The following ARHGAP15 variants were observed in gnomAD, a reference collection of about 807,000 sequenced individuals.
ARHGAP15 encodes the protein Rho GTPase activating protein 15, also known as rho GTPase-activating protein 15.
ARHGAP15 carries 51 observed loss-of-function variants against 63.7 expected under a neutral mutation model. The observed-to-expected ratio is 0.80, with a 90% CI of 0.64 to 1.01. The LOEUF is 1.01. Ranked by LOEUF, ARHGAP15 falls within the 50% of genes least tolerant of loss-of-function variation. ARHGAP15 has a pLI of 0.00. For missense variants in ARHGAP15, 560 were observed against 564.6 expected (o/e 0.99, Z 0.08); for synonymous variants, 191 against 193.8 (o/e 0.99, Z 0.12).
At chr2:143,611,251 C>T (rs1235003418) in intron 11 of ARHGAP15, among the ~76,000 whole-genome samples, 1 of 152,122 alleles carries the variant, frequency 6.6e-6, no homozygotes, top group African/African-American at 2.4e-5. Context: ...AGTTCCAGGG[C>T]ATAAACTTGA....
chr2:143,386,939 G>C (rs1687311694), intron 6 of ARHGAP15, among the ~76,000 whole-genome samples: 1 of 152,018 alleles, frequency 6.6e-6, no homozygotes, highest in Admixed American at 6.6e-5. Flanking sequence ...TCACTTTTAA[G>C]TGGGAGCTAA....
chr2:143,186,846 A>G (rs2105081053), intron 2 of ARHGAP15, among the ~76,000 whole-genome samples: 1 of 152,122 alleles, frequency 6.6e-6, no homozygotes, highest in African/African-American at 2.4e-5. Flanking sequence ...TCAGAATTGG[A>G]CTCCCTCTTT....
intron 6 of ARHGAP15, among the ~76,000 whole-genome samples, chr2:143,431,476 G>T (rs574092487): frequency 5.9e-5 from 9 of 152,118 alleles, no homozygotes; most frequent in South Asian, 2.1e-4. Flanking sequence ...CCAAGTGGTG[G>T]TATTCATATC....
At chr2:143,130,883 A>G (rs1236814521) in intron 1 of ARHGAP15, among the ~76,000 whole-genome samples, 1 of 152,144 alleles carries the variant, frequency 6.6e-6, no homozygotes, top group African/African-American at 2.4e-5. Context: ...GAACCTCTGC[A>G]TCTATAGAAG....
At chr2:143,302,193 A>C (rs1280193167) in intron 6 of ARHGAP15, among the ~76,000 whole-genome samples, 2 of 151,892 alleles carry the variant, frequency 1.3e-5, no homozygotes, top group Non-Finnish European at 2.9e-5. Context: ...TATAGATTGC[A>C]TTCTTGGTGT....
rs199588894 is a variant in ARHGAP15 at position 143,290,571 on chromosome 2, C to CT, written c.474+39979dup. On this transcript the variant is annotated intron_variant, in intron 6 of 13. Transcript: ENST00000295095. The stretch of plus-strand genomic sequence containing the variant: ...ATAACATATATTTAAATTTAGAAAA[C>CT]TTTTTTTTAACATTACACATGACGT... Among the ~76,000 whole-genome samples the CT allele has an allele frequency of 1.8e-4, 28 of 151,946 alleles. No homozygotes were observed. The South Asian group carries it at 2.9e-3, about 16-fold the overall frequency.
intron 5 of ARHGAP15, among the ~76,000 whole-genome samples, chr2:143,250,122 A>G (rs1465633071): frequency 3.3e-5 from 5 of 152,096 alleles, no homozygotes; most frequent in Non-Finnish European, 7.4e-5. Context: ...TTTTACTGTT[A>G]GGTCTAAAAG....
intron 10 of ARHGAP15, among the ~76,000 whole-genome samples, chr2:143,541,673 T>C (rs4278879): frequency 0.83 from 125,865 of 151,664 alleles, 52,391 homozygotes; most frequent in African/African-American, 0.87. Flanking sequence ...GTATCAGCAG[T>C]GGTGGCTGCA....
chr2:143,682,175 T>A (rs1011741781), intron 12 of ARHGAP15, among the ~76,000 whole-genome samples: 1 of 152,058 alleles, frequency 6.6e-6, no homozygotes, highest in African/African-American at 2.4e-5. Context: ...TAATTGATAA[T>A]TTTTTTTCTT....
intron 13 of ARHGAP15, among the ~76,000 whole-genome samples, chr2:143,752,760 C>T (rs1274200126): frequency 6.6e-6 from 1 of 152,138 alleles, no homozygotes; most frequent in African/African-American, 2.4e-5. Context: ...AAGCTTCAGC[C>T]AGACCCACAG....
chr2:143,139,237 C>T (rs543846136), intron 1 of ARHGAP15, among the ~76,000 whole-genome samples: 4 of 152,196 alleles, frequency 2.6e-5, no homozygotes, highest in East Asian at 1.9e-4. Flanking sequence ...CTTCCAATTT[C>T]GATTACATCT....
intron 3 of ARHGAP15, among the ~76,000 whole-genome samples, chr2:143,207,358 T>C (rs1393608430): frequency 6.6e-6 from 1 of 152,096 alleles, no homozygotes; most frequent in Non-Finnish European, 1.5e-5. Flanking sequence ...GAAGTCCTGC[T>C]AAACAGAAGC....
chr2:143,289,642 A>G (rs1364687840), intron 6 of ARHGAP15, among the ~76,000 whole-genome samples: 1 of 152,200 alleles, frequency 6.6e-6, no homozygotes. Context: ...GAATTGCAAT[A>G]TGCAGCATCT....
intron 2 of ARHGAP15, among the ~76,000 whole-genome samples, chr2:143,177,986 A>G (rs377590636): frequency 1.3e-5 from 2 of 152,198 alleles, no homozygotes; most frequent in Non-Finnish European, 2.9e-5. Context: ...AACAAGCTAA[A>G]TGTTGATAGT....
At chr2:143,574,937 G>T (rs1696616454) in intron 11 of ARHGAP15, among the ~76,000 whole-genome samples, 1 of 151,932 alleles carries the variant, frequency 6.6e-6, no homozygotes, top group African/African-American at 2.4e-5. Flanking sequence ...CTTTAGTTTG[G>T]CTATGCCTCT....
At chr2:143,359,925 T>C (rs1363105752) in intron 6 of ARHGAP15, among the ~76,000 whole-genome samples, 2 of 152,084 alleles carry the variant, frequency 1.3e-5, no homozygotes, top group Admixed American at 6.5e-5. Context: ...AATGAGGAAA[T>C]ATGATATTTA....
At chr2:143,767,777 T>C (rs963030587) in intron 13 of ARHGAP15, among the ~76,000 whole-genome samples, 1 of 152,172 alleles carries the variant, frequency 6.6e-6, no homozygotes, top group African/African-American at 2.4e-5. Context: ...GCTCAGCTAT[T>C]ATGGGGGTAA....
At chr2:143,681,102 T>G (rs887028749) in intron 12 of ARHGAP15, among the ~76,000 whole-genome samples, 2 of 152,148 alleles carry the variant, frequency 1.3e-5, no homozygotes, top group Non-Finnish European at 2.9e-5. Context: ...GTGTAGTCTG[T>G]TAAACACCAT....
chr2:143,646,646 T>C (rs1345004340), intron 12 of ARHGAP15, among the ~76,000 whole-genome samples: 1 of 152,082 alleles, frequency 6.6e-6, no homozygotes, highest in African/African-American at 2.4e-5. Context: ...GACTGGGATT[T>C]ATATATGCTG....
Sources: gnomAD v4.1 joint callset for allele counts (sites outside exome capture counted in the v4.1 genomes callset) on GRCh38, gnomAD v4.1.1 for gene constraint, MANE v1.5 for transcripts, NCBI Gene and HGNC (gene_info 2026-07-23, HGNC 2026-07-21) for gene names.